Variants in PLCE1 observed in about 807,000 individuals in gnomAD.
PLCE1 encodes phospholipase C epsilon 1.
In PLCE1, 119 loss-of-function variants were observed where a neutral mutation model predicts 242.8. The observed-to-expected ratio is 0.49, with a 90% confidence interval of 0.42 to 0.57. The LOEUF (loss-of-function observed/expected upper bound fraction) is 0.57, where lower values mean the gene tolerates loss of function less well. Among genes scored for constraint, PLCE1 ranks in the 20% least tolerant of loss-of-function variants. The pLI, the probability that PLCE1 is intolerant of heterozygous loss-of-function variation, is 0.00. For synonymous variants in PLCE1, 945 were observed against 1,017.4 expected (o/e 0.93, Z 1.35); for missense variants, 2,441 against 2,788.8 (o/e 0.88, Z 2.81).
intron 1 of PLCE1, among the ~76,000 whole-genome samples, chr10:94,028,530 A>T (rs1038542463): frequency 1.5e-4 from 23 of 152,154 alleles, no homozygotes; most frequent in African/African-American, 5.5e-4. Flanking sequence ...ACTAAGTATA[A>T]CCCACATTCA....
At chr10:94,183,106 C>T (rs1459819752) in intron 4 of PLCE1, among the ~76,000 whole-genome samples, 11 of 152,156 alleles carry the variant, frequency 7.2e-5, no homozygotes, top group African/African-American at 1.9e-4. Flanking sequence ...CTTTTCAGGA[C>T]GGCATTAGCT....
chr10:94,288,471 C>CA (rs2052538157), intron 22 of PLCE1, among the ~76,000 whole-genome samples: 1 of 152,192 alleles, frequency 6.6e-6, no homozygotes, highest in African/African-American at 2.4e-5. Context: ...TTGTTTACTA[C>CA]ACTTGCTGAA....
Position 94,321,979 on chromosome 10 carries a change from G to C in PLCE1, c.6421G>C (p.Val2141Leu). The change falls in exon 30 of 33, where the codon GTG becomes CTG. Residue 2141 changes from valine to leucine, a missense_variant. Coordinates refer to ENST00000371380, the MANE Select transcript of PLCE1 (RefSeq NM_016341.4). ...AGAGGAGGAGAGTTTCTTTGTCCAA[G>C]TGCATGATGTTTCTCCAGAGCAACC... ...SSEEESFFVQVHDVSPEQPRT... is the reference protein window; with the variant it reads ...SSEEESFFVQLHDVSPEQPRT... 1 of 1,613,944 alleles carries C rather than the reference G, an allele frequency of 6.2e-7. No individual in the cohort carries two copies.
chr10:94,091,680 G>C (rs956141931), intron 2 of PLCE1, among the ~76,000 whole-genome samples: 1 of 152,156 alleles, frequency 6.6e-6, no homozygotes, highest in Non-Finnish European at 1.5e-5. Flanking sequence ...CAGAGTATTA[G>C]AGTAGTGAAG....
chr10:94,055,871 C>T (rs1292925095), intron 2 of PLCE1, among the ~76,000 whole-genome samples: 1 of 152,154 alleles, frequency 6.6e-6, no homozygotes. Flanking sequence ...GATCCCTGTT[C>T]AGAGAGACCT....
intron 3 of PLCE1, among the ~76,000 whole-genome samples, chr10:94,164,810 T>G (rs2047737168): frequency 6.6e-6 from 1 of 152,210 alleles, no homozygotes; most frequent in Non-Finnish European, 1.5e-5. Flanking sequence ...CAGATGGGGT[T>G]TTGATGTGGA....
At chr10:94,178,158 T>C (rs560893996) in intron 4 of PLCE1, among the ~76,000 whole-genome samples, 28 of 152,302 alleles carry the variant, frequency 1.8e-4, no homozygotes, top group Non-Finnish European at 3.1e-4. Context: ...GGCACTCTTT[T>C]GTGTAACAGA....
intron 4 of PLCE1, among the ~76,000 whole-genome samples, chr10:94,196,444 C>G (rs1463595173): frequency 6.6e-6 from 1 of 152,054 alleles, no homozygotes; most frequent in African/African-American, 2.4e-5. Flanking sequence ...GGGGAAGAGC[C>G]TTTTAAAGTG....
At chr10:94,323,611 T>G (rs1001211547) in intron 30 of PLCE1, among the ~76,000 whole-genome samples, 8 of 152,182 alleles carry the variant, frequency 5.3e-5, no homozygotes, top group African/African-American at 1.9e-4. Flanking sequence ...GAAGGTTAAG[T>G]ATATGTAAGA....
At chr10:94,312,205 A>G (rs975485583) in intron 27 of PLCE1, among the ~76,000 whole-genome samples, 1 of 152,242 alleles carries the variant, frequency 6.6e-6, no homozygotes, top group Non-Finnish European at 1.5e-5. Context: ...TTTTAAAAAA[A>G]TCACATTGTG....
At chr10:94,168,198 C>T (rs1252697132) in intron 3 of PLCE1, among the ~76,000 whole-genome samples, 1 of 152,024 alleles carries the variant, frequency 6.6e-6, no homozygotes, top group Non-Finnish European at 1.5e-5. Context: ...GAGAGCAAGG[C>T]CCAGAGGTGA....
rs2054130046 is a variant in PLCE1 at position 94,329,479 on chromosome 10, A to T, written c.*1536A>T. The T allele has an allele frequency of 6.6e-6, 1 of 152,200 alleles. No individual in the cohort carries two copies. The highest frequency in any genetic ancestry group is 1.5e-5 in the Non-Finnish European group (1 of 68,034). The allele number at this position is 152,200 out of a possible 1,614,324, so 9.4% of individuals were successfully genotyped here. A position where few individuals can be genotyped will look rare whatever the true frequency, so the allele number is the denominator to read the frequency against. On this transcript the variant is annotated 3_prime_UTR_variant, in exon 33 of 33. Coordinates refer to ENST00000371380, the MANE Select transcript of PLCE1 (RefSeq NM_016341.4). ...TGTTTCTTGCATATTCTAAAAACAG[A>T]AGTGTTAAAAATACACCACACAGGC...
chr10:94,250,131 C>CAAAAAAAAAAAA (rs34113881), intron 8 of PLCE1, among the ~76,000 whole-genome samples: 1 of 95,680 alleles, frequency 1.0e-5, no homozygotes, highest in Non-Finnish European at 2.1e-5. Context: ...GACTCTGTCT[C>CAAAAAAAAAAAA]AAAAAAAAAA....
intron 25 of PLCE1, among the ~76,000 whole-genome samples, chr10:94,305,828 T>A (rs1241741700): frequency 6.6e-6 from 1 of 152,194 alleles, no homozygotes; most frequent in Non-Finnish European, 1.5e-5. Context: ...TAAAGTCTTC[T>A]CTTGTGAGAA....
chr10:94,262,451 A>G (rs760717861), intron 13 of PLCE1, 43 bp from the exon 14 acceptor site: 4 of 1,326,430 alleles, frequency 3.0e-6, no homozygotes, highest in South Asian at 2.4e-5. Context: ...TTTGCAAAAG[A>G]TGCTGGCTAT....
chr10:94,039,695 C>T (rs906939709), intron 2 of PLCE1, among the ~76,000 whole-genome samples: 1 of 152,124 alleles, frequency 6.6e-6, no homozygotes, highest in African/African-American at 2.4e-5. Flanking sequence ...CTGATTTCTC[C>T]ACATCTTGAA....
rs60764243 is a variant in PLCE1 at position 94,223,233 on chromosome 10, CAA to C, written c.1810-4055_1810-4054del. Among the ~76,000 whole-genome samples, 41 of 90,868 alleles carry C rather than the reference CAA, an allele frequency of 4.5e-4. 1 individual carries two copies. The East Asian group carries it at 4.5e-3, about 10-fold the overall frequency. The allele number at this position is 90,868 out of a possible 152,430, so 59.6% of individuals were successfully genotyped here. A position where few individuals can be genotyped will look rare whatever the true frequency, so the allele number is the denominator to read the frequency against. ...GCAACATAGTGATACTCCATCTCTA[CAA>C]AAAAAAAAAAAAAAAAATTGAATCT... On this transcript the variant is annotated intron_variant, in intron 4 of 32. Transcript: ENST00000371380.
At chr10:94,228,223 C>T (rs1190226956) in intron 5 of PLCE1, among the ~76,000 whole-genome samples, 1 of 129,138 alleles carries the variant, frequency 7.7e-6, no homozygotes, top group Non-Finnish European at 1.7e-5. Flanking sequence ...CCTCAGCTAC[C>T]TGGCATAAAG....
At chr10:94,110,161 C>T (rs2135617108) in intron 2 of PLCE1, among the ~76,000 whole-genome samples, 1 of 131,572 alleles carries the variant, frequency 7.6e-6, no homozygotes, top group South Asian at 2.7e-4. Flanking sequence ...CTCCTGGGTT[C>T]ATGCCATTCT....
Sources: allele counts gnomAD v4.1 joint callset (sites outside exome capture counted in the v4.1 genomes callset), GRCh38; gene constraint gnomAD v4.1.1; transcripts MANE v1.5; gene names NCBI Gene and HGNC (gene_info 2026-07-23, HGNC 2026-07-21).